NELL2: variants seen among roughly 807,000 people sequenced by gnomAD.
NELL2 encodes the protein neural EGFL like 2.
In NELL2, 41 loss-of-function variants were observed where a neutral mutation model predicts 109.6. The observed-to-expected ratio is 0.37, with a 90% CI of 0.29 to 0.49. NELL2 has a LOEUF of 0.49. Among genes scored for constraint, NELL2 ranks in the 20% least tolerant of loss-of-function variants. The pLI is 0.98. For synonymous variants in NELL2, 355 were observed against 344.7 expected (o/e 1.03, Z -0.33); for missense variants, 900 against 1,008.3 (o/e 0.89, Z 1.45).
Position 44,906,960 on chromosome 12 carries a change from T to C in NELL2, c.38+6839A>G, listed in dbSNP as rs531367973. On this transcript the variant is annotated intron_variant, in intron 1 of 20. Coordinates refer to the NELL2 transcript ENST00000333837. Reference sequence around the variant, plus strand: ...TTGTAGTTTCCATAATCCCCGTGTGTCCTGGGAGGGACCCGGTGGGAGGTA... The same window carrying C: ...TTGTAGTTTCCATAATCCCCGTGTGCCCTGGGAGGGACCCGGTGGGAGGTA... 3.9e-5 allele frequency among the ~76,000 whole-genome samples: 6 copies of C among 152,256 alleles called. 1 individual carries two copies. The highest frequency in any genetic ancestry group is 1.4e-4 in the African/African-American group (6 of 41,568).
intron 12 of NELL2, among the ~76,000 whole-genome samples, chr12:44,683,232 G>A (rs2136376139): frequency 6.6e-6 from 1 of 152,186 alleles, no homozygotes; most frequent in Non-Finnish European, 1.5e-5. Flanking sequence ...CCTGTTATTG[G>A]TGTATAAGAA....
At chr12:44,588,448 G>T (rs1180118679) in intron 15 of NELL2, among the ~76,000 whole-genome samples, 1 of 152,040 alleles carries the variant, frequency 6.6e-6, no homozygotes, top group African/African-American at 2.4e-5. Context: ...CCCTCAGACT[G>T]CCAAAATGAC....
chr12:44,787,080 T>A (rs1942206529), intron 3 of NELL2, among the ~76,000 whole-genome samples: 1 of 151,974 alleles, frequency 6.6e-6, no homozygotes, highest in South Asian at 2.1e-4. Context: ...TTTGGCAGGG[T>A]CATAGGATAC....
intron 13 of NELL2, among the ~76,000 whole-genome samples, chr12:44,646,306 A>T (rs1947094213): frequency 6.6e-6 from 1 of 152,194 alleles, no homozygotes; most frequent in African/African-American, 2.4e-5. Flanking sequence ...AAGCTGCATA[A>T]CCAGATTTCA....
rs556027556 is a variant in NELL2 at position 44,884,361 on chromosome 12, A to G, written c.39-8461T>C. Among the ~76,000 whole-genome samples, 8 of 152,124 alleles carry G rather than the reference A, an allele frequency of 5.3e-5. No homozygotes were observed. The South Asian group carries it at 1.7e-3, about 31-fold the overall frequency. On this transcript the variant is annotated intron_variant, in intron 1 of 20. Transcript: ENST00000333837. ...CTGGAGAAAGAGTAATAGAACTGAA[A>G]GAAGAAGTAGACAGATCCACAATTC...
rs12299479 is a variant in NELL2, at chr12:44,581,214, G to A, written c.1663+25955C>T. The stretch of plus-strand genomic sequence containing the variant: ...TTTACTTACCAATGTGCCACTAATT[G>A]GACGGCTACTTTTGTGTATGTAAGT... On this transcript the variant is annotated intron_variant, in intron 15 of 19. Transcript: ENST00000429094. Among the ~76,000 whole-genome samples, 612 of 152,156 alleles carry A rather than the reference G, an allele frequency of 4.0e-3. 3 individuals are homozygous for A. The highest frequency in any genetic ancestry group is 0.014 in the African/African-American group (578 of 41,500).
intron 11 of NELL2, 111 bp from the exon 12 acceptor site, chr12:44,703,965 T>A: frequency 2.3e-6 from 2 of 872,896 alleles, no homozygotes; most frequent in Non-Finnish European, 3.4e-6. Context: ...AATAATTTTT[T>A]AATTAGTATC....
At chr12:44,823,480 T>C (rs1943608309) in intron 2 of NELL2, among the ~76,000 whole-genome samples, 2 of 152,210 alleles carry the variant, frequency 1.3e-5, no homozygotes, top group South Asian at 2.1e-4. Flanking sequence ...TACAATGAGA[T>C]CATGCGGTAT....
intron 15 of NELL2, among the ~76,000 whole-genome samples, chr12:44,537,142 C>A (rs1942331463): frequency 6.6e-6 from 1 of 151,786 alleles, no homozygotes; most frequent in South Asian, 2.1e-4. Flanking sequence ...TACAACACCA[C>A]ACAGATCACT....
chr12:44,822,963 A>T (rs1426268618), intron 2 of NELL2, among the ~76,000 whole-genome samples: 1 of 152,138 alleles, frequency 6.6e-6, no homozygotes. Context: ...AGACAGAGAG[A>T]GAGAGAGAGA....
At chr12:44,625,127 C>T (rs1946206662) in intron 13 of NELL2, among the ~76,000 whole-genome samples, 1 of 150,636 alleles carries the variant, frequency 6.6e-6, no homozygotes, top group Non-Finnish European at 1.5e-5. Context: ...AAAATATTTA[C>T]TCTCTGTCAC....
intron 1 of NELL2, among the ~76,000 whole-genome samples, chr12:44,894,060 T>C (rs1439982771): frequency 6.6e-6 from 1 of 152,210 alleles, no homozygotes; most frequent in African/African-American, 2.4e-5. Flanking sequence ...AGAGAAATTC[T>C]ACACATTGTT....
intron 2 of NELL2, among the ~76,000 whole-genome samples, chr12:44,872,485 GATA>G (rs1337326760): frequency 6.6e-6 from 1 of 152,000 alleles, no homozygotes; most frequent in Non-Finnish European, 1.5e-5. Flanking sequence ...ATTAGGTATA[GATA>G]ATAATAAATT....
chr12:44,643,690 C>G (rs7976217), intron 13 of NELL2, among the ~76,000 whole-genome samples: 1 of 152,016 alleles, frequency 6.6e-6, no homozygotes, highest in Non-Finnish European at 1.5e-5. Flanking sequence ...TAGGGTTCCA[C>G]GTAGATGCAG....
chr12:44,874,012 A>G lies in NELL2; in HGVS notation c.184+1213T>C, dbSNP rs937136229. 2.6e-5 allele frequency among the ~76,000 whole-genome samples: 4 copies of G among 152,124 alleles called. No individual in the cohort carries two copies. The East Asian group carries it at 7.7e-4, about 29-fold the overall frequency. On this transcript the variant is annotated intron_variant, in intron 2 of 19. Transcript: ENST00000429094. ...GCATTTTAATTTTTTATAAGAGCAA[A>G]CTTGTTTTAAGTAAATGTAACACAT...
At chr12:44,878,585 T>C (rs1945375702), upstream of NELL2, among the ~76,000 whole-genome samples, 4 of 152,204 alleles carry the variant, frequency 2.6e-5, no homozygotes, top group Admixed American at 2.6e-4. Context: ...ATTTTATCTA[T>C]GTGTTCTTTT....
chr12:44,740,385 A>T (rs1939888959), intron 9 of NELL2, among the ~76,000 whole-genome samples: 1 of 152,196 alleles, frequency 6.6e-6, no homozygotes, highest in South Asian at 2.1e-4. Context: ...AGAGAAGCAG[A>T]GGTAGAACCC....
At chr12:44,811,337 TAAAAAAAA>T (rs10683929) in intron 3 of NELL2, among the ~76,000 whole-genome samples, 1 of 103,210 alleles carries the variant, frequency 9.7e-6, no homozygotes, top group Non-Finnish European at 1.8e-5. Flanking sequence ...GAACTAAAAG[TAAAAAAAA>T]AAAAAAAAAA....
chr12:44,574,806 T>C (rs2136200666), intron 15 of NELL2, among the ~76,000 whole-genome samples: 1 of 152,218 alleles, frequency 6.6e-6, no homozygotes, highest in East Asian at 1.9e-4. Flanking sequence ...CTCTTATCTT[T>C]GTTAGGTATT....
Sources: allele counts gnomAD v4.1 joint callset (sites outside exome capture counted in the v4.1 genomes callset), GRCh38; gene constraint gnomAD v4.1.1; transcripts MANE v1.5; gene names NCBI Gene and HGNC (gene_info 2026-07-23, HGNC 2026-07-21).